The following MMP11 variants were observed in gnomAD, a reference collection of about 807,000 sequenced individuals.
MMP11 encodes the protein matrix metallopeptidase 11, also known as stromelysin-3.
MMP11 carries 26 observed loss-of-function variants against 49.5 expected under a neutral mutation model. The observed-to-expected ratio is 0.52, with a 90% CI of 0.38 to 0.73. MMP11 has a LOEUF of 0.73. Among genes scored for constraint, MMP11 ranks in the 30% least tolerant of loss-of-function variants. The pLI, the probability that MMP11 is intolerant of heterozygous loss-of-function variation, is 0.00. For missense variants in MMP11, 624 were observed against 671.2 expected (o/e 0.93, Z 0.78); for synonymous variants, 265 against 282.3 (o/e 0.94, Z 0.62).
intron 1 of MMP11, among the ~76,000 whole-genome samples, chr22:23,778,547 G>A (rs1403747142): frequency 6.6e-6 from 1 of 152,158 alleles, no homozygotes; most frequent in Non-Finnish European, 1.5e-5. Context: ...GTGCCTTCCC[G>A]GGTGCTGGGC....
intron 7 of MMP11, 148 bp from the exon 8 acceptor site, chr22:23,783,263 C>T (rs1212319742): frequency 3.2e-6 from 3 of 944,830 alleles, no homozygotes; most frequent in African/African-American, 1.7e-5. Flanking sequence ...AAAGGCCGGC[C>T]CTGGATCCTG....
chr22:23,779,558 G>A, intron 2 of MMP11, 142 bp downstream of exon 2: 1 of 744,016 alleles, frequency 1.3e-6, no homozygotes, highest in South Asian at 1.9e-5. Flanking sequence ...ACCCCAGGGA[G>A]GTCATCTATG....
Position 23,780,782 on chromosome 22 carries a change from G to C in MMP11, c.616+67G>C. 1 of 1,564,914 alleles carries C rather than the reference G, an allele frequency of 6.4e-7. No individual in the cohort carries two copies. Among genetic ancestry groups the C allele is most frequent in the Non-Finnish European group, 8.6e-7 (1 of 1,156,270 alleles). On this transcript the variant is annotated intron_variant, in intron 4 of 7. Transcript: ENST00000215743. This position sits in a 1 kb window ranked among gnomAD's most constrained non-coding sequence, Gnocchi z 4.6. ...ATCATAAAGAATGGGGACTCGCCAA[G>C]GTCACTGAGCTGGGGTCTGGAGCTG... is the stretch of plus-strand genomic sequence containing the variant.
intron 1 of MMP11, among the ~76,000 whole-genome samples, chr22:23,775,407 C>T (rs1006136604): frequency 3.9e-5 from 6 of 152,238 alleles, no homozygotes; most frequent in South Asian, 4.1e-4. Flanking sequence ...CAAGCTGCTT[C>T]ATGCCGTGCC....
chr22:23,780,716 G>T lies in MMP11; in HGVS notation c.616+1G>T. ...ACCTGGACTATCGGGGATGACCAGG[G>T]TATGGGCTGGGGACCCATTTTCCAG... On this transcript the variant is annotated splice_donor_variant, in intron 4 of 7. Transcript: ENST00000215743. LOFTEE classifies it high-confidence loss of function. This position sits in a 1 kb window ranked among gnomAD's most constrained non-coding sequence, Gnocchi z 4.6. The T allele has an allele frequency of 1.3e-6, 2 of 1,550,092 alleles. No homozygotes were observed. Among genetic ancestry groups the T allele is most frequent in the Non-Finnish European group, 1.7e-6 (2 of 1,151,364 alleles).
At chr22:23,783,126 C>T (rs28382572) in intron 7 of MMP11, among the ~76,000 whole-genome samples, 4,631 of 152,194 alleles carry the variant, frequency 0.03, 122 homozygotes, top group East Asian at 0.12. Context: ...GTGGGGGCAA[C>T]GGGACTTGCT....
At chr22:23,773,487 C>T (rs938257636) in intron 1 of MMP11, among the ~76,000 whole-genome samples, 7 of 152,138 alleles carry the variant, frequency 4.6e-5, no homozygotes, top group African/African-American at 1.7e-4. Flanking sequence ...ATGTCCCCCG[C>T]GGGCACCTGC....
chr22:23,780,216 G>A lies in MMP11; in HGVS notation c.339-143G>A, dbSNP rs966867644. 12 of 960,062 alleles carry A rather than the reference G, an allele frequency of 1.2e-5. No individual in the cohort carries two copies. The highest frequency in any genetic ancestry group is 1.7e-5 in the Non-Finnish European group (11 of 640,640). The allele number at this position is 960,062 out of a possible 1,614,324, so 59.5% of individuals were successfully genotyped here. A position where few individuals can be genotyped will look rare whatever the true frequency, so the allele number is the denominator to read the frequency against. On this transcript the variant is annotated intron_variant, in intron 2 of 7. Coordinates refer to ENST00000215743, the MANE Select transcript of MMP11 (RefSeq NM_005940.5). The surrounding 1 kb of genome is among the most constrained non-coding windows in gnomAD (Gnocchi z 4.6). ...TGCCCATGTGGCCAGGGAGACCAGTGCGCTGAAGCTGAGGCCCAGAGTACA... is the reference window on the plus strand; with the variant it reads ...TGCCCATGTGGCCAGGGAGACCAGTACGCTGAAGCTGAGGCCCAGAGTACA...
At chr22:23,773,384 A>G (rs1186555394) in intron 1 of MMP11, among the ~76,000 whole-genome samples, 2 of 152,170 alleles carry the variant, frequency 1.3e-5, no homozygotes, top group Non-Finnish European at 2.9e-5. Context: ...GTGTGGCCGC[A>G]GTTAGTACAC....
intron 1 of MMP11, among the ~76,000 whole-genome samples, chr22:23,773,819 C>G (rs1927319352): frequency 6.6e-6 from 1 of 152,348 alleles, no homozygotes; most frequent in African/African-American, 2.4e-5. Context: ...GGCATCCAGA[C>G]AGCTCGGGCA....
At chr22:23,777,325 T>C (rs1028698531) in intron 1 of MMP11, among the ~76,000 whole-genome samples, 11 of 150,816 alleles carry the variant, frequency 7.3e-5, no homozygotes, top group Admixed American at 1.3e-4. Context: ...CCCAGCACTT[T>C]GGGAGGCCGA....
chr22:23,782,240 G>A lies in MMP11; in HGVS notation c.1090G>A (p.Val364Met). 1 of 1,613,288 alleles carries A rather than the reference G, an allele frequency of 6.2e-7. No individual in the cohort carries two copies. The highest frequency in any genetic ancestry group is 8.5e-7 in the Non-Finnish European group (1 of 1,179,940). Residue 364 changes from valine to methionine, a missense_variant, in exon 7 of 8, where the codon GTG (valine) becomes ATG (methionine). By Grantham distance (21) the Val-to-Met change is conservative (BLOSUM62 1). Transcript: ENST00000215743. ...IWFFQGAQYW[V>M]YDGEKPVLGP... ...CTCTCCGGCAGGTGCTCAGTACTGG[G>A]TGTACGACGGTGAAAAGCCAGTCCT...
rs764798232 is a variant in MMP11 at position 23,781,293 on chromosome 22, G to A, written c.959G>A (p.Arg320His). ...AAAGCGGGCTTTGTGTGGCGCCTCCGTGGGGGCCAGCTGCAGCCCGGCTAC... is the reference window on the plus strand; with the variant it reads ...AAAGCGGGCTTTGTGTGGCGCCTCCATGGGGGCCAGCTGCAGCCCGGCTAC... ...FFKAGFVWRL[R>H]GGQLQPGYPA... Residue 320 changes from arginine (R) to histidine (H), a missense_variant, in exon 6 of 8, where the codon CGT becomes CAT. By Grantham distance (29) the Arg-to-His change is conservative (BLOSUM62 0). Transcript: ENST00000215743. 31 of 1,612,430 alleles carry A rather than the reference G, an allele frequency of 1.9e-5. No individual in the cohort carries two copies. In the Admixed American group the frequency reaches 2.7e-4, roughly 14 times the overall value.
rs772978887 is a variant in MMP11 at position 23,779,234 on chromosome 22, T to C, written c.156T>C (p.His52=). The part of the protein sequence containing the change: ...HAERRGPQPW[H]AALPSSPAPA... The stretch of plus-strand genomic sequence containing the variant: ...AGAGGAGGGGGCCACAGCCCTGGCA[T>C]GCAGCCCTGCCCAGTAGCCCGGCAC... Residue 52 remains histidine (H), a synonymous_variant, in exon 2 of 8, where the codon CAT becomes CAC. Transcript: ENST00000215743. 1.9e-6 allele frequency: 3 copies of C among 1,608,716 alleles called. No homozygotes were observed. Among genetic ancestry groups the C allele is most frequent in the Middle Eastern group, 3.3e-4 (2 of 6,050 alleles).
Position 23,779,240 on chromosome 22 carries a change from C to A in MMP11, c.162C>A (p.Ala54=). 1 of 1,609,144 alleles carries A rather than the reference C, an allele frequency of 6.2e-7. No homozygotes were observed. Among genetic ancestry groups the A allele is most frequent in the Non-Finnish European group, 8.5e-7 (1 of 1,178,444 alleles). ...GGGGGCCACAGCCCTGGCATGCAGC[C>A]CTGCCCAGTAGCCCGGCACCTGCCC... The part of the protein sequence containing the change: ...ERRGPQPWHA[A]LPSSPAPAPA... Residue 54 remains alanine, a synonymous_variant, in exon 2 of 8, where the codon GCC becomes GCA. Transcript: ENST00000215743.
chr22:23,783,259 C>T (rs988802074), intron 7 of MMP11, 152 bp from the exon 8 acceptor site: 14 of 900,068 alleles, frequency 1.6e-5, no homozygotes, highest in African/African-American at 5.0e-5. Context: ...TCTGAAAGGC[C>T]GGCCCTGGAT....
intron 1 of MMP11, among the ~76,000 whole-genome samples, chr22:23,775,144 C>G (rs779300081): frequency 7.9e-5 from 12 of 152,214 alleles, no homozygotes; most frequent in Non-Finnish European, 1.5e-4. Flanking sequence ...GCTGGGGAGA[C>G]AGGGGGAAGC....
At chr22:23,781,170 T>C (rs1410478261) in intron 5 of MMP11, 23 bp from the exon 6 acceptor site, 3 of 1,610,058 alleles carry the variant, frequency 1.9e-6, no homozygotes, top group Middle Eastern at 1.6e-4. Flanking sequence ...GCCCTCAGCA[T>C]GTGTCCCTCT....
Position 23,781,178 on chromosome 22 carries a change from T to C in MMP11, c.859-15T>C, listed in dbSNP as rs1232984098. ...AGCATATGCCCTCAGCATGTGTCCCTCTCTCCCACCCCAGCCAGACGCCCC... is the reference window on the plus strand; with the variant it reads ...AGCATATGCCCTCAGCATGTGTCCCCCTCTCCCACCCCAGCCAGACGCCCC... On this transcript the variant is annotated splice_polypyrimidine_tract_variant and intron_variant, in intron 5 of 7. Coordinates refer to ENST00000215743, the MANE Select transcript of MMP11 (RefSeq NM_005940.5). The C allele has an allele frequency of 6.2e-7, 1 of 1,610,510 alleles. No individual in the cohort carries two copies. The highest frequency in any genetic ancestry group is 1.7e-5 in the Admixed American group (1 of 60,020).
Sources: gnomAD v4.1 joint callset for allele counts (sites outside exome capture counted in the v4.1 genomes callset) on GRCh38, gnomAD v4.1.1 for gene constraint, Gnocchi (gnomAD v3.1) non-coding constraint, MANE v1.5 for transcripts, NCBI Gene and HGNC (gene_info 2026-07-23, HGNC 2026-07-21) for gene names.